Variants in CEP63 observed in about 807,000 individuals in gnomAD.
CEP63 encodes the protein centrosomal protein 63, also known as centrosomal protein of 63 kDa.
CEP63 carries 84 observed loss-of-function variants against 89.1 expected under a neutral mutation model. The observed-to-expected ratio is 0.94, with a 90% CI of 0.79 to 1.13. The LOEUF (loss-of-function observed/expected upper bound fraction) is 1.13. Ranked by LOEUF, CEP63 falls within the 50% of genes most tolerant of loss-of-function variation. The pLI, the probability that CEP63 is intolerant of heterozygous loss-of-function variation, is 0.00. For synonymous variants in CEP63, 267 were observed against 272.5 expected (o/e 0.98, Z 0.20); for missense variants, 838 against 813.3 (o/e 1.03, Z -0.37).
At chr3:134,625,214 G>C in the CEP63 span, 1 of 1,109,874 alleles carries the variant, frequency 9.0e-7, no homozygotes, top group Non-Finnish European at 1.3e-6. Flanking sequence ...CTGTCTCTTT[G>C]AGGAGCTGTG....
the CEP63 span, among the ~76,000 whole-genome samples, chr3:134,761,751 C>CT: frequency 1.3e-5 from 2 of 151,986 alleles, no homozygotes; most frequent in Admixed American, 6.6e-5. Context: ...CTCTCTCTCT[C>CT]CCCCCTGAAT....
chr3:134,714,038 A>C, the CEP63 span, among the ~76,000 whole-genome samples: 7 of 152,174 alleles, frequency 4.6e-5, no homozygotes, highest in Admixed American at 4.6e-4. Flanking sequence ...GGCTGGGGCC[A>C]AGTGGACACC....
chr3:134,651,912 C>T, the CEP63 span, among the ~76,000 whole-genome samples: 1 of 152,146 alleles, frequency 6.6e-6, no homozygotes, highest in Non-Finnish European at 1.5e-5. Context: ...CTGGGCACTA[C>T]GGGCCCACCC....
the CEP63 span, among the ~76,000 whole-genome samples, chr3:134,775,241 A>G: frequency 6.6e-6 from 1 of 152,276 alleles, no homozygotes; most frequent in South Asian, 2.1e-4. Flanking sequence ...TAGTGTCCTC[A>G]GGGAAGAGGA....
At chr3:134,676,895 T>TC in the CEP63 span, among the ~76,000 whole-genome samples, 1 of 152,172 alleles carries the variant, frequency 6.6e-6, no homozygotes, top group African/African-American at 2.4e-5. Context: ...CTTCTGCATT[T>TC]CCATCTCCAC....
the CEP63 span, among the ~76,000 whole-genome samples, chr3:134,726,589 C>G: frequency 6.6e-6 from 1 of 152,022 alleles, no homozygotes; most frequent in Admixed American, 6.6e-5. Flanking sequence ...ACACATCAGC[C>G]CAGGAGATGC....
the CEP63 span, among the ~76,000 whole-genome samples, chr3:134,677,326 A>T: frequency 5.9e-5 from 9 of 152,114 alleles, no homozygotes; most frequent in African/African-American, 2.2e-4. Flanking sequence ...AAATCTCCCA[A>T]AGAGTGGTCA....
intron 2 of CEP63, among the ~76,000 whole-genome samples, chr3:134,499,160 G>GT (rs1177118566): frequency 6.6e-6 from 1 of 152,154 alleles, no homozygotes; most frequent in African/African-American, 2.4e-5. Flanking sequence ...ATGCCATCAG[G>GT]TCCTGGGCTT....
chr3:134,707,100 C>T, the CEP63 span, among the ~76,000 whole-genome samples: 2 of 152,192 alleles, frequency 1.3e-5, no homozygotes, highest in African/African-American at 4.8e-5. Flanking sequence ...TATTCAACCA[C>T]TACGGTCTCA....
chr3:134,540,632 GA>G (rs1471789448), intron 6 of CEP63, among the ~76,000 whole-genome samples: 1 of 151,412 alleles, frequency 6.6e-6, no homozygotes, highest in South Asian at 2.1e-4. Context: ...TCTTATAGGT[GA>G]AAAAAAATGA....
At chr3:134,612,880 T>C in the CEP63 span, 1 of 151,508 alleles carries the variant, frequency 6.6e-6, no homozygotes, top group African/African-American at 2.4e-5. Context: ...GGCAATGGGA[T>C]TATAGGTGAT....
At chr3:134,764,618 T>G in the CEP63 span, among the ~76,000 whole-genome samples, 1 of 152,180 alleles carries the variant, frequency 6.6e-6, no homozygotes, top group African/African-American at 2.4e-5. Context: ...AATTGACACC[T>G]TCCCCATCGC....
At chr3:134,773,329 T>C in the CEP63 span, among the ~76,000 whole-genome samples, 1 of 152,174 alleles carries the variant, frequency 6.6e-6, no homozygotes, top group African/African-American at 2.4e-5. Context: ...AGCCAGACTC[T>C]TTAGGAGCAG....
At chr3:134,596,910 G>A in the CEP63 span, among the ~76,000 whole-genome samples, 1 of 152,226 alleles carries the variant, frequency 6.6e-6, no homozygotes, top group Non-Finnish European at 1.5e-5. Flanking sequence ...AGGTCTGACA[G>A]AGTGGTGGGC....
the CEP63 span, among the ~76,000 whole-genome samples, chr3:134,596,597 C>T: frequency 6.6e-6 from 1 of 152,182 alleles, no homozygotes; most frequent in African/African-American, 2.4e-5. Flanking sequence ...TTGACAAATG[C>T]TCAGTGGATG....
chr3:134,712,753 C>T, the CEP63 span, among the ~76,000 whole-genome samples: 6 of 152,264 alleles, frequency 3.9e-5, no homozygotes, highest in African/African-American at 7.2e-5. Context: ...GCTGCAGGGA[C>T]GTCAGGCAGG....
At chr3:134,681,029 A>G in the CEP63 span, among the ~76,000 whole-genome samples, 8 of 152,162 alleles carry the variant, frequency 5.3e-5, no homozygotes, top group Non-Finnish European at 1.2e-4. Context: ...GAGCCTCTGA[A>G]CACCCCAGGC....
the CEP63 span, among the ~76,000 whole-genome samples, chr3:134,706,859 TCTAC>T: frequency 6.6e-6 from 1 of 152,190 alleles, no homozygotes; most frequent in Non-Finnish European, 1.5e-5. Flanking sequence ...TCCTGCATTC[TCTAC>T]CTGTCTCTTC....
At chr3:134,657,550 G>A in the CEP63 span, among the ~76,000 whole-genome samples, 2,267 of 152,014 alleles carry the variant, frequency 0.015, 20 homozygotes, top group Non-Finnish European at 0.02. Flanking sequence ...TTATACTGAC[G>A]TGCCACAATC....
Sources: gnomAD v4.1 joint callset for allele counts (sites outside exome capture counted in the v4.1 genomes callset) on GRCh38, gnomAD v4.1.1 for gene constraint, MANE v1.5 for transcripts, NCBI Gene and HGNC (gene_info 2026-07-23, HGNC 2026-07-21) for gene names.